CSMD1: variants seen among roughly 807,000 people sequenced by gnomAD.
CSMD1 encodes CUB and sushi domain-containing protein 1.
Under a neutral mutation model 417.5 loss-of-function variants are expected in CSMD1, and 213 were observed. The observed-to-expected ratio is 0.51, with a 90% confidence interval of 0.46 to 0.57. The LOEUF is 0.57. CSMD1 is among the 20% of genes least tolerant of loss of function. The pLI is 0.00. For synonymous variants in CSMD1, 2,862 were observed against 1,736.8 expected, an observed-to-expected ratio of 1.65 and a Z score of -16.11; for missense variants, 6,923 against 4,529.7, an observed-to-expected ratio of 1.53 and a Z score of -15.17.
At chr8:3,531,508 A>G (rs908467477) in intron 10 of CSMD1, among the ~76,000 whole-genome samples, 1 of 152,294 alleles carries the variant, frequency 6.6e-6, no homozygotes, top group East Asian at 1.9e-4. Flanking sequence ...GCCCCAGGGT[A>G]GCATAAAGAA....
chr8:4,738,244 G>A (rs1023845342), intron 1 of CSMD1, among the ~76,000 whole-genome samples: 1 of 152,164 alleles, frequency 6.6e-6, no homozygotes, highest in Non-Finnish European at 1.5e-5. Flanking sequence ...TTATCCATCT[G>A]TATTAGTTCA....
intron 12 of CSMD1, among the ~76,000 whole-genome samples, chr8:3,445,423 G>C (rs1585175363): frequency 1.3e-5 from 2 of 152,160 alleles, no homozygotes; most frequent in Non-Finnish European, 2.9e-5. Flanking sequence ...CTTGCAGATA[G>C]TTCTCAGAAA....
intron 5 of CSMD1, among the ~76,000 whole-genome samples, chr8:3,813,403 T>C (rs1801193969): frequency 6.6e-6 from 1 of 152,152 alleles, no homozygotes; most frequent in Non-Finnish European, 1.5e-5. Flanking sequence ...GGAGGTGATA[T>C]TTTCCCTAGG....
At chr8:3,675,514 C>A (rs1799326681) in intron 7 of CSMD1, among the ~76,000 whole-genome samples, 1 of 152,034 alleles carries the variant, frequency 6.6e-6, no homozygotes, top group African/African-American at 2.4e-5. Context: ...TGTTGAAGCC[C>A]CAATCTCCAA....
chr8:4,737,742 T>C (rs998354961), intron 1 of CSMD1, among the ~76,000 whole-genome samples: 9 of 152,290 alleles, frequency 5.9e-5, no homozygotes, highest in Admixed American at 5.2e-4. Context: ...CTTAAATCAA[T>C]GCAAAGGCAA....
chr8:3,205,464 G>T (rs1167588683), intron 31 of CSMD1, 40 bp downstream of exon 31: 3 of 1,014,022 alleles, frequency 3.0e-6, no homozygotes, highest in South Asian at 2.9e-5. Flanking sequence ...ACACTGAAAG[G>T]AAATATGACA....
In CSMD1 at chr8:4,255,219, T is replaced by G. The variant is rs142934783; in HGVS notation, c.415+164734A>C. On this transcript the variant is annotated intron_variant, in intron 3 of 69. Coordinates refer to ENST00000635120, the MANE Select transcript of CSMD1 (RefSeq NM_033225.6). ...CCAACTAATTTTTATAAGCAGCGCA[T>G]GCAGTCCCTATGGATTTGACTAAAA... Among the ~76,000 whole-genome samples the G allele has an allele frequency of 3.9e-5, 6 of 152,316 alleles. No homozygotes were observed. In the East Asian group the frequency reaches 1.2e-3, roughly 29 times the overall value.
chr8:3,872,510 G>C (rs1352321328), intron 5 of CSMD1, among the ~76,000 whole-genome samples: 3 of 152,184 alleles, frequency 2.0e-5, no homozygotes, highest in Admixed American at 6.5e-5. Context: ...GCCTGAACTA[G>C]GTAATGTTCT....
chr8:3,499,372 T>C (rs183685622), intron 10 of CSMD1, among the ~76,000 whole-genome samples: 10 of 152,166 alleles, frequency 6.6e-5, no homozygotes, highest in East Asian at 3.9e-4. Context: ...TTTGGGGATA[T>C]AGAAGGTCAC....
At chr8:2,952,187 A>AATT (rs1319545323) in intron 65 of CSMD1, among the ~76,000 whole-genome samples, 1 of 152,202 alleles carries the variant, frequency 6.6e-6, no homozygotes, top group African/African-American at 2.4e-5. Flanking sequence ...GATGTGCATG[A>AATT]ATTATTTAAT....
chr8:3,365,077 G>C (rs1032749066), intron 20 of CSMD1, among the ~76,000 whole-genome samples: 2 of 152,162 alleles, frequency 1.3e-5, no homozygotes, highest in Non-Finnish European at 2.9e-5. Flanking sequence ...GTAAGAACTG[G>C]AGGAAGTGAT....
intron 29 of CSMD1, among the ~76,000 whole-genome samples, chr8:3,215,554 T>TG (rs1474251001): frequency 1.3e-5 from 2 of 152,234 alleles, no homozygotes; most frequent in African/African-American, 4.8e-5. Flanking sequence ...TGCCCACTTC[T>TG]GGGGCCCCTC....
At chr8:3,272,685 T>C (rs1359146640) in intron 26 of CSMD1, among the ~76,000 whole-genome samples, 3 of 139,652 alleles carry the variant, frequency 2.1e-5, no homozygotes, top group Non-Finnish European at 3.1e-5. Flanking sequence ...TTTATTCTCT[T>C]CGAAGCAATT....
At chr8:4,654,424 C>T (rs548127012) in intron 1 of CSMD1, among the ~76,000 whole-genome samples, 2 of 152,174 alleles carry the variant, frequency 1.3e-5, no homozygotes, top group South Asian at 4.1e-4. Flanking sequence ...AAATTCTTTG[C>T]TTGGTGAGTT....
At chr8:3,200,664 T>C (rs1380453041) in intron 32 of CSMD1, among the ~76,000 whole-genome samples, 2 of 151,938 alleles carry the variant, frequency 1.3e-5, no homozygotes, top group South Asian at 2.1e-4. Flanking sequence ...GGTGTGTGAA[T>C]TGGCATAAGG....
chr8:4,543,612 A>C (rs560566275), intron 2 of CSMD1, among the ~76,000 whole-genome samples: 1 of 144,232 alleles, frequency 6.9e-6, no homozygotes. Flanking sequence ...ATAAGTTTCA[A>C]TTCATTTCAG....
chr8:4,140,346 A>G (rs1803709683), intron 3 of CSMD1, among the ~76,000 whole-genome samples: 1 of 150,920 alleles, frequency 6.6e-6, no homozygotes, highest in Non-Finnish European at 1.5e-5. Flanking sequence ...AAACAATACA[A>G]AATTAGCTGG....
intron 5 of CSMD1, among the ~76,000 whole-genome samples, chr8:3,810,392 T>A (rs1392394266): frequency 6.6e-6 from 1 of 152,146 alleles, no homozygotes; most frequent in Non-Finnish European, 1.5e-5. Context: ...TGGTGACCCT[T>A]CAGGGAGAGC....
intron 10 of CSMD1, among the ~76,000 whole-genome samples, chr8:3,535,042 G>A (rs1392588129): frequency 6.6e-6 from 1 of 152,124 alleles, no homozygotes; most frequent in African/African-American, 2.4e-5. Flanking sequence ...TCAACTCCTG[G>A]GCTTAAGCCA....
Sources: allele counts gnomAD v4.1 joint callset (sites outside exome capture counted in the v4.1 genomes callset), GRCh38; gene constraint gnomAD v4.1.1; transcripts MANE v1.5; gene names NCBI Gene and HGNC (gene_info 2026-07-23, HGNC 2026-07-21).